The following RHOA variants were observed in gnomAD, a reference collection of about 807,000 sequenced individuals.
RHOA encodes the protein ras homolog family member A, also known as transforming protein RhoA.
In RHOA, 3 loss-of-function variants were observed where a neutral mutation model predicts 17.5. That is an observed-to-expected ratio of 0.17 (90% CI 0.08 to 0.44). RHOA has a LOEUF of 0.44. RHOA is among the 20% of genes least tolerant of loss of function. The pLI is 0.99. For missense variants in RHOA, 56 were observed against 242.3 expected (o/e 0.23, Z 5.10); for synonymous variants, 98 against 88.4 (o/e 1.11, Z -0.61).
At chr3:49,410,475 ATATT>A (rs1374512819) in intron 1 of RHOA, among the ~76,000 whole-genome samples, 1 of 152,240 alleles carries the variant, frequency 6.6e-6, no homozygotes, top group Non-Finnish European at 1.5e-5. Context: ...TGCACCTTAT[ATATT>A]TAATGTCCCC....
intron 2 of RHOA, among the ~76,000 whole-genome samples, chr3:49,370,173 G>A (rs1418361768): frequency 1.3e-5 from 2 of 152,090 alleles, no homozygotes; most frequent in African/African-American, 4.8e-5. Context: ...CTTGAGCCCG[G>A]GAGGCGGAGG....
At chr3:49,379,348 G>C (rs1380224644) in intron 1 of RHOA, among the ~76,000 whole-genome samples, 1 of 152,118 alleles carries the variant, frequency 6.6e-6, no homozygotes, top group African/African-American at 2.4e-5. Flanking sequence ...AGAGAAAATA[G>C]ACTGGTAGTT....
intron 4 of RHOA, chr3:49,360,929 TG>T: frequency 2.7e-6 from 1 of 371,196 alleles, no homozygotes; most frequent in South Asian, 1.8e-5. Flanking sequence ...AAAAATCACC[TG>T]GGTGTGGTAG....
At chr3:49,377,458 C>T (rs1472664383) in intron 1 of RHOA, among the ~76,000 whole-genome samples, 1 of 151,766 alleles carries the variant, frequency 6.6e-6, no homozygotes, top group Non-Finnish European at 1.5e-5. Context: ...TAGCCAGGAG[C>T]GGTGGTGCAT....
chr3:49,359,810 C>T lies in RHOA; in HGVS notation c.*399G>A, dbSNP rs980196711. 2 of 242,970 alleles carry T rather than the reference C, an allele frequency of 8.2e-6. No individual in the cohort carries two copies. Among genetic ancestry groups the T allele is most frequent in the African/African-American group, 2.2e-5 (1 of 45,392 alleles). 15.1% of individuals were successfully genotyped at this position (242,970 alleles called of 1,614,324 possible). On this transcript the variant is annotated 3_prime_UTR_variant, in exon 5 of 5. Coordinates refer to ENST00000418115, the MANE Select transcript of RHOA (RefSeq NM_001664.4). The stretch of plus-strand genomic sequence containing the variant: ...AACAAAATCTGTTACGGAGTAAAGC[C>T]CTGAAGTGGTGACTCACCAGAGTAC...
intron 1 of RHOA, among the ~76,000 whole-genome samples, chr3:49,409,010 G>A (rs2048887422): frequency 4.0e-5 from 6 of 151,372 alleles, no homozygotes. Flanking sequence ...TAGCCAGGAT[G>A]GTCTCCAGAC....
chr3:49,396,609 A>C (rs1167817670), intron 1 of RHOA, among the ~76,000 whole-genome samples: 1 of 152,080 alleles, frequency 6.6e-6, no homozygotes, highest in African/African-American at 2.4e-5. Flanking sequence ...CGGGAGGCTG[A>C]GGCAGGAGAA....
intron 2 of RHOA, among the ~76,000 whole-genome samples, chr3:49,373,524 AT>A (rs1161868230): frequency 6.6e-6 from 1 of 152,168 alleles, no homozygotes; most frequent in Non-Finnish European, 1.5e-5. Context: ...ACTTCAAAAG[AT>A]GTATAGGAGA....
chr3:49,376,826 T>G (rs1314295711), intron 1 of RHOA, among the ~76,000 whole-genome samples: 1 of 151,802 alleles, frequency 6.6e-6, no homozygotes, highest in Admixed American at 6.6e-5. Context: ...CTAGATTTGT[T>G]TGTAAAGAAA....
Position 49,359,599 on chromosome 3 carries a change from ATAC to A in RHOA, c.*607_*609del, listed in dbSNP as rs1164424004. 4 of 207,042 alleles carry A rather than the reference ATAC, an allele frequency of 1.9e-5. No homozygotes were observed. The highest frequency in any genetic ancestry group is 1.5e-4 in the East Asian group (2 of 13,346). 12.8% of individuals were successfully genotyped at this position (207,042 alleles called of 1,614,324 possible). ...ATTAGGAAATCCAATTATACAAAAA[ATAC>A]TACATCTAGTCTGGGGTAGATATAT... On this transcript the variant is annotated 3_prime_UTR_variant, in exon 5 of 5. Transcript: ENST00000418115.
intron 1 of RHOA, among the ~76,000 whole-genome samples, chr3:49,385,407 G>A (rs986527980): frequency 6.6e-6 from 1 of 151,734 alleles, no homozygotes; most frequent in African/African-American, 2.4e-5. Context: ...GTAGAGACGG[G>A]GTTTTACCAT....
Position 49,360,162 on chromosome 3 carries a change from C to A in RHOA, c.*47G>T. ...GTAATCATACACTAAGATTAATAAACAGCACTTCAAAATTAACCGCATAAG... is the reference window on the plus strand; with the variant it reads ...GTAATCATACACTAAGATTAATAAAAAGCACTTCAAAATTAACCGCATAAG... On this transcript the variant is annotated 3_prime_UTR_variant, in exon 5 of 5. Transcript: ENST00000418115. 6.4e-7 allele frequency: 1 copy of A among 1,551,358 alleles called. No homozygotes were observed.
intron 2 of RHOA, among the ~76,000 whole-genome samples, chr3:49,374,700 C>T (rs984749123): frequency 1.3e-5 from 2 of 151,340 alleles, no homozygotes; most frequent in African/African-American, 2.4e-5. Context: ...CCAGCCTGGG[C>T]GACAGAGCGA....
intron 3 of RHOA, chr3:49,366,760 T>C (rs1235512455): frequency 1.3e-5 from 2 of 152,244 alleles, no homozygotes; most frequent in African/African-American, 4.8e-5. Flanking sequence ...GCTCAATATC[T>C]TGGAGCAACC....
At chr3:49,404,155 G>C (rs554579351) in intron 1 of RHOA, among the ~76,000 whole-genome samples, 1 of 134,324 alleles carries the variant, frequency 7.4e-6, no homozygotes, top group African/African-American at 2.7e-5. Flanking sequence ...AAAAATATTA[G>C]CTGGGCGCAG....
At chr3:49,397,419 T>C (rs571765951) in intron 1 of RHOA, among the ~76,000 whole-genome samples, 6 of 152,294 alleles carry the variant, frequency 3.9e-5, no homozygotes, top group Admixed American at 1.3e-4. Flanking sequence ...TCTGTGAATA[T>C]ACTAAAACCC....
In RHOA at chr3:49,385,319, C is replaced by T. The variant is rs1407491915; in HGVS notation, c.-2-9728G>A. On this transcript the variant is annotated intron_variant, in intron 1 of 4. Coordinates refer to ENST00000418115, the MANE Select transcript of RHOA (RefSeq NM_001664.4). ...CACTGCAACCTCCGCCTCCCAGGTT[C>T]AAGCAATTCTCCTGCCTCAGCCTCC... is the stretch of plus-strand genomic sequence containing the variant. Among the ~76,000 whole-genome samples, 6 of 150,934 alleles carry T rather than the reference C, an allele frequency of 4.0e-5. 1 individual carries two copies. The highest frequency in any genetic ancestry group is 1.5e-4 in the African/African-American group (6 of 41,162).
At chr3:49,403,467 G>T (rs1188163739) in intron 1 of RHOA, among the ~76,000 whole-genome samples, 1 of 152,110 alleles carries the variant, frequency 6.6e-6, no homozygotes, top group Non-Finnish European at 1.5e-5. Context: ...ATAATCCCAG[G>T]GCTTTGTGAG....
rs1369500060 is a variant in RHOA, at chr3:49,360,392, A to G, written c.409-10T>C. The G allele has an allele frequency of 6.3e-7, 1 of 1,584,704 alleles. No homozygotes were observed. Among genetic ancestry groups the G allele is most frequent in the Non-Finnish European group, 8.6e-7 (1 of 1,165,376 alleles). On this transcript the variant is annotated splice_polypyrimidine_tract_variant and intron_variant, in intron 4 of 4. Transcript: ENST00000418115. Reference sequence around the variant, plus strand: ...CAGGTTTCACCGGCTCCTAGCAAAGAAAAAAAAATAGTCCTTTTAGCTAAT... The same window carrying G: ...CAGGTTTCACCGGCTCCTAGCAAAGGAAAAAAAATAGTCCTTTTAGCTAAT...
Sources: allele counts gnomAD v4.1 joint callset (sites outside exome capture counted in the v4.1 genomes callset), GRCh38; gene constraint gnomAD v4.1.1; transcripts MANE v1.5; gene names NCBI Gene and HGNC (gene_info 2026-07-23, HGNC 2026-07-21).